The following SNX20 variants were observed in gnomAD, a reference collection of about 807,000 sequenced individuals.
SNX20 encodes sorting nexin-20.
SNX20 carries 21 observed loss-of-function variants against 24.5 expected under a neutral mutation model. The ratio of observed to expected loss-of-function variants is 0.86; its 90% CI spans 0.61 to 1.23. The LOEUF (loss-of-function observed/expected upper bound fraction) is 1.23. Among genes scored for constraint, SNX20 ranks in the 50% most tolerant of loss-of-function variants. The pLI is 0.00. For synonymous variants in SNX20, 206 were observed against 192.8 expected, an observed-to-expected ratio of 1.07 and a Z score of -0.57; for missense variants, 433 against 430.8, an observed-to-expected ratio of 1.00 and a Z score of -0.04.
intron 1 of SNX20, among the ~76,000 whole-genome samples, chr16:50,678,246 T>A (rs1201751357): frequency 6.6e-6 from 1 of 152,130 alleles, no homozygotes; most frequent in Admixed American, 6.5e-5. Context: ...TAGATACTGG[T>A]ATGAATCTTC....
chr16:50,676,049 C>T, intron 2 of SNX20, 128 bp from the exon 3 acceptor site: 2 of 1,033,652 alleles, frequency 1.9e-6, no homozygotes, highest in Non-Finnish European at 2.6e-6. Flanking sequence ...ATATCCCTCT[C>T]TCCCACCCCG....
At position 50,672,690 on chromosome 16, in the gene SNX20, A is replaced by C. The variant is rs1963077357; in HGVS notation, c.*716T>G. Reference sequence around the variant, plus strand: ...TCCAAGGTGGAAGGAACAGAGAGAAAAGCCTTGGAGCAGCTGGAGAGAACT... The same window carrying C: ...TCCAAGGTGGAAGGAACAGAGAGAACAGCCTTGGAGCAGCTGGAGAGAACT... On this transcript the variant is annotated 3_prime_UTR_variant, in exon 4 of 4. Coordinates refer to ENST00000330943, the MANE Select transcript of SNX20 (RefSeq NM_182854.4). 6.6e-6 allele frequency: 1 copy of C among 152,232 alleles called. No individual in the cohort carries two copies. Among genetic ancestry groups the C allele is most frequent in the African/African-American group, 2.4e-5 (1 of 41,442 alleles). 9.4% of individuals were successfully genotyped at this position (152,232 alleles called of 1,614,324 possible).
downstream of SNX20, chr16:50,668,226 G>A: frequency 6.9e-7 from 1 of 1,442,566 alleles, no homozygotes; most frequent in Non-Finnish European, 9.1e-7. Context: ...GGGATGATCA[G>A]CGCTACGTGG....
rs1273038184 is a variant in SNX20, at chr16:50,673,496, C to T, written c.861G>A (p.Leu287=). 1 of 1,609,234 alleles carries T rather than the reference C, an allele frequency of 6.2e-7. No homozygotes were observed. The highest frequency in any genetic ancestry group is 8.5e-7 in the Non-Finnish European group (1 of 1,178,484). The change falls in exon 4 of 4, where the codon CTG becomes CTA. Residue 287 remains leucine (L), a synonymous_variant. Coordinates refer to ENST00000330943, the MANE Select transcript of SNX20 (RefSeq NM_182854.4). This position sits in a 1 kb window ranked among gnomAD's most constrained non-coding sequence, Gnocchi z 4.1. ...AYALGKDFVT[L]QERLEESQLR... ...GCTGGCTCTCCTCCAGCCTCTCCTGCAGAGTCACGAAGTCCTTGCCCAGCG... is the reference window on the plus strand; with the variant it reads ...GCTGGCTCTCCTCCAGCCTCTCCTGTAGAGTCACGAAGTCCTTGCCCAGCG...
intron 1 of SNX20, 43 bp from the exon 2 acceptor site, chr16:50,677,578 G>T: frequency 6.9e-7 from 1 of 1,455,824 alleles, no homozygotes; most frequent in Non-Finnish European, 9.1e-7. Flanking sequence ...ACTCCAGTTG[G>T]GGTTCCCGGT....
In SNX20 at chr16:50,673,745, G is replaced by C; in HGVS notation, c.612C>G (p.Ala204=). Residue 204 remains alanine (A), a synonymous_variant, in exon 4 of 4, where the codon GCC becomes GCG. Coordinates refer to ENST00000330943, the MANE Select transcript of SNX20 (RefSeq NM_182854.4). This position sits in a 1 kb window ranked among gnomAD's most constrained non-coding sequence, Gnocchi z 4.1. Reference sequence around the variant, plus strand: ...GCAGCACGCGCAGCAGCAGCTCCAGGGCGCGCGGGTACTGGCCGGCCCGCA... The same window carrying C: ...GCAGCACGCGCAGCAGCAGCTCCAGCGCGCGCGGGTACTGGCCGGCCCGCA... ...GCLRAGQYPR[A]LELLLRVLPL... The C allele has an allele frequency of 6.6e-7, 1 of 1,507,372 alleles. No homozygotes were observed. Among genetic ancestry groups the C allele is most frequent in the Non-Finnish European group, 8.8e-7 (1 of 1,135,278 alleles). 93.4% of individuals were successfully genotyped at this position (1,507,372 alleles called of 1,614,324 possible).
At chr16:50,670,210 T>G (rs979344974), downstream of SNX20, 2 of 151,852 alleles carry the variant, frequency 1.3e-5, no homozygotes, top group Admixed American at 1.3e-4. Context: ...AGGGCCCGGG[T>G]GGAGAGAAGA....
At chr16:50,668,924 G>A (rs979970009), downstream of SNX20, 9 of 1,471,246 alleles carry the variant, frequency 6.1e-6, no homozygotes, top group South Asian at 9.8e-5. Context: ...GAAAGCTCAG[G>A]GAGGCTAGCG....
At chr16:50,676,616 C>T (rs1039490255) in intron 2 of SNX20, among the ~76,000 whole-genome samples, 1 of 152,232 alleles carries the variant, frequency 6.6e-6, no homozygotes, top group Non-Finnish European at 1.5e-5. Flanking sequence ...CCCTTCAAGA[C>T]CCAGCCCCCA....
At chr16:50,668,131 G>A (rs4258614), downstream of SNX20, 2 of 1,548,854 alleles carry the variant, frequency 1.3e-6, no homozygotes, top group Admixed American at 2.0e-5. Context: ...GAACACTCGA[G>A]TTGGTGACCA....
chr16:50,668,742 C>T, downstream of SNX20: 6 of 1,130,142 alleles, frequency 5.3e-6, no homozygotes, highest in Non-Finnish European at 6.5e-6. Flanking sequence ...CCAAGAGAGG[C>T]CTGCTGGGGA....
chr16:50,677,665 A>C, intron 1 of SNX20, 130 bp from the exon 2 acceptor site: 2 of 999,026 alleles, frequency 2.0e-6, no homozygotes, highest in Non-Finnish European at 2.7e-6. Flanking sequence ...CCACGGCTCA[A>C]CCTTCCCCAC....
At chr16:50,676,466 C>G (rs1030595358) in intron 2 of SNX20, among the ~76,000 whole-genome samples, 3 of 152,194 alleles carry the variant, frequency 2.0e-5, no homozygotes, top group African/African-American at 7.2e-5. Context: ...GCATCCAACC[C>G]TCTATTTCCA....
In SNX20 at chr16:50,673,269, T is replaced by C. The variant is rs935608136; in HGVS notation, c.*137A>G. The C allele has an allele frequency of 6.9e-6, 9 of 1,299,212 alleles. No individual in the cohort carries two copies. The highest frequency in any genetic ancestry group is 8.8e-6 in the Non-Finnish European group (9 of 1,023,264). The allele number at this position is 1,299,212 out of a possible 1,614,324, so 80.5% of individuals were successfully genotyped here. A position where few individuals can be genotyped will look rare whatever the true frequency, so the allele number is the denominator to read the frequency against. Reference sequence around the variant, plus strand: ...TGAGACATAATTGAGCCACTGCACTTCAGTCTGGGTGACAGAGCAAGACTG... The same window carrying C: ...TGAGACATAATTGAGCCACTGCACTCCAGTCTGGGTGACAGAGCAAGACTG... On this transcript the variant is annotated 3_prime_UTR_variant, in exon 4 of 4. Coordinates refer to ENST00000330943, the MANE Select transcript of SNX20 (RefSeq NM_182854.4). This position sits in a 1 kb window ranked among gnomAD's most constrained non-coding sequence, Gnocchi z 4.1.
At chr16:50,675,670 C>T in intron 3 of SNX20, 100 bp downstream of exon 3, 2 of 1,461,582 alleles carry the variant, frequency 1.4e-6, no homozygotes, top group South Asian at 1.2e-5. Context: ...GTGTGTTGAC[C>T]CATTTCATAG....
At position 50,677,519 on chromosome 16, in the gene SNX20, C is replaced by T; in HGVS notation, c.8G>A (p.Ser3Asn). The T allele has an allele frequency of 6.3e-7, 1 of 1,587,096 alleles. No individual in the cohort carries two copies. Among genetic ancestry groups the T allele is most frequent in the Non-Finnish European group, 8.6e-7 (1 of 1,165,296 alleles). MASPEHPGSPGCM... is the reference protein window; with the variant it reads MANPEHPGSPGCM... Reference sequence around the variant, plus strand: ...GCCAGGGCTCCCAGGGTGCTCTGGACTTGCCATGCTCCAAGGCTGCCAGAG... The same window carrying T: ...GCCAGGGCTCCCAGGGTGCTCTGGATTTGCCATGCTCCAAGGCTGCCAGAG... Residue 3 changes from serine (S) to asparagine (N), a missense_variant, in exon 2 of 4, where the codon AGT becomes AAT. Ser to Asn is a conservative substitution (Grantham distance 46, BLOSUM62 1). Coordinates refer to ENST00000330943, the MANE Select transcript of SNX20 (RefSeq NM_182854.4).
downstream of SNX20, chr16:50,669,982 G>A (rs1213756776): frequency 6.6e-6 from 1 of 152,220 alleles, no homozygotes; most frequent in Non-Finnish European, 1.5e-5. Context: ...CCAGGGGACA[G>A]GGTCTCATGA....
At chr16:50,677,333 C>A in intron 2 of SNX20, 64 bp downstream of exon 2, 1 of 1,451,358 alleles carries the variant, frequency 6.9e-7, no homozygotes, top group Non-Finnish European at 9.2e-7. Context: ...CAAAGTGACC[C>A]ACATTTGTAC....
chr16:50,667,989 G>T, downstream of SNX20: 1 of 1,549,574 alleles, frequency 6.5e-7, no homozygotes, highest in Non-Finnish European at 8.7e-7. Flanking sequence ...AGCCCAGAAC[G>T]CTCGCTCCAT....
Sources: gnomAD v4.1 joint callset for allele counts (sites outside exome capture counted in the v4.1 genomes callset) on GRCh38, gnomAD v4.1.1 for gene constraint, Gnocchi (gnomAD v3.1) non-coding constraint, MANE v1.5 for transcripts, NCBI Gene and HGNC (gene_info 2026-07-23, HGNC 2026-07-21) for gene names.